TRIOBP: variants seen among roughly 807,000 people sequenced by gnomAD.
The protein encoded by TRIOBP is TRIO and F-actin binding protein.
In TRIOBP, 169 loss-of-function variants were observed where a neutral mutation model predicts 238.8. The observed-to-expected ratio is 0.71, with a 90% confidence interval of 0.62 to 0.80. TRIOBP has a LOEUF of 0.80. Ranked by LOEUF, TRIOBP falls within the 30% of genes least tolerant of loss-of-function variation. The pLI, the probability that TRIOBP is intolerant of heterozygous loss-of-function variation, is 0.00. For missense variants in TRIOBP, 2,838 were observed against 3,122.6 expected, an observed-to-expected ratio of 0.91 and a Z score of 2.17; for synonymous variants, 1,150 against 1,274.4, an observed-to-expected ratio of 0.90 and a Z score of 2.08.
chr22:37,705,764 T>A (rs1186880196), intron 3 of TRIOBP, among the ~76,000 whole-genome samples: 1 of 151,946 alleles, frequency 6.6e-6, no homozygotes. Flanking sequence ...TTAGTAGAGA[T>A]GGGGTTTCAC....
At chr22:37,712,987 A>C (rs1003804880) in intron 4 of TRIOBP, among the ~76,000 whole-genome samples, 7 of 150,500 alleles carry the variant, frequency 4.7e-5, no homozygotes, top group Admixed American at 2.6e-4. Context: ...TAAATAAATA[A>C]ATAAATAAAT....
intron 12 of TRIOBP, among the ~76,000 whole-genome samples, chr22:37,753,157 A>G (rs1318243399): frequency 6.6e-6 from 1 of 152,250 alleles, no homozygotes; most frequent in Admixed American, 6.5e-5. Context: ...GAACAAACCC[A>G]GCAACCTGGT....
chr22:37,755,217 G>T, intron 14 of TRIOBP, 27 bp downstream of exon 14: 1 of 1,601,592 alleles, frequency 6.2e-7, no homozygotes. Context: ...CTTGGGGGCT[G>T]GTGGTGGGCA....
intron 6 of TRIOBP, among the ~76,000 whole-genome samples, chr22:37,717,411 TCTC>T (rs1260553385): frequency 6.6e-6 from 1 of 152,162 alleles, no homozygotes; most frequent in African/African-American, 2.4e-5. Flanking sequence ...CTGCTTTTAT[TCTC>T]TTGTCTGGCC....
chr22:37,759,691 G>A (rs962709348), intron 17 of TRIOBP: 4 of 1,513,814 alleles, frequency 2.6e-6, no homozygotes, highest in East Asian at 5.0e-5. Context: ...CACACAAGGA[G>A]GTCTGCAGGA....
intron 3 of TRIOBP, among the ~76,000 whole-genome samples, chr22:37,704,883 A>C (rs1196974879): frequency 6.8e-6 from 1 of 146,380 alleles, no homozygotes; most frequent in Non-Finnish European, 1.5e-5. Flanking sequence ...CCTGGGCAGC[A>C]CAGTGAGACC....
At chr22:37,749,953 CAACAA>C (rs951125217) in intron 11 of TRIOBP, among the ~76,000 whole-genome samples, 25 of 152,216 alleles carry the variant, frequency 1.6e-4, no homozygotes, top group African/African-American at 4.6e-4. Context: ...GGCCCTGTCT[CAACAA>C]AACAAAACTC....
At chr22:37,710,632 C>T (rs1429389627) in intron 4 of TRIOBP, 66 bp downstream of exon 4, 7 of 1,550,482 alleles carry the variant, frequency 4.5e-6, no homozygotes, top group Non-Finnish European at 6.1e-6. Flanking sequence ...TTCCCATTTG[C>T]ACTCCTTCCC....
At chr22:37,769,450 C>T in intron 21 of TRIOBP, 75 bp downstream of exon 21, 2 of 1,387,356 alleles carry the variant, frequency 1.4e-6, no homozygotes. Flanking sequence ...CCGCCATAGG[C>T]TGGGTATCAC....
intron 6 of TRIOBP, among the ~76,000 whole-genome samples, chr22:37,719,001 C>G (rs1295321301): frequency 1.3e-5 from 2 of 150,806 alleles, no homozygotes; most frequent in African/African-American, 2.4e-5. Flanking sequence ...TGCCTGCCAC[C>G]ACGCCCAGCT....
rs1465010299 is a variant in TRIOBP at position 37,757,966 on chromosome 22, T to C, written c.6041T>C (p.Leu2014Pro). The change falls in exon 16 of 24, where the codon CTG becomes CCG. Residue 2014 changes from leucine to proline, a missense_variant. By Grantham distance (98) the Leu-to-Pro change is moderately conservative. Coordinates refer to ENST00000644935, the MANE Select transcript of TRIOBP (RefSeq NM_001039141.3). ...EGPRRGLGAP[L>P]TEDQQNRLSE... is the part of the protein sequence containing the mutation. Reference sequence around the variant, plus strand: ...CCGCGCCGGGGCCTGGGTGCCCCCCTGACTGAGGACCAGCAAAACCGGCTT... The same window carrying C: ...CCGCGCCGGGGCCTGGGTGCCCCCCCGACTGAGGACCAGCAAAACCGGCTT... The C allele has an allele frequency of 6.4e-7, 1 of 1,574,086 alleles. No individual in the cohort carries two copies. Among genetic ancestry groups the C allele is most frequent in the South Asian group, 1.2e-5 (1 of 86,502 alleles).
At chr22:37,757,214 T>C (rs75270030) in intron 15 of TRIOBP, among the ~76,000 whole-genome samples, 1 of 152,004 alleles carries the variant, frequency 6.6e-6, no homozygotes, top group Non-Finnish European at 1.5e-5. Flanking sequence ...ATTTAAAAAA[T>C]TAGCTGGGCG....
At chr22:37,712,500 A>G (rs982167673) in intron 4 of TRIOBP, among the ~76,000 whole-genome samples, 16 of 151,890 alleles carry the variant, frequency 1.1e-4, no homozygotes, top group African/African-American at 3.6e-4. Flanking sequence ...ATGCCCATCT[A>G]ATTTTTTTAT....
intron 17 of TRIOBP, among the ~76,000 whole-genome samples, chr22:37,764,004 C>T (rs1218131271): frequency 6.6e-6 from 1 of 152,222 alleles, no homozygotes; most frequent in Non-Finnish European, 1.5e-5. Context: ...AGTCCTTCTC[C>T]TGCCACGTCA....
In TRIOBP at chr22:37,717,306, G is replaced by A. The variant is rs537635760; in HGVS notation, c.628+1372G>A. On this transcript the variant is annotated intron_variant, in intron 6 of 23. Transcript: ENST00000644935. ...TAAAGGCAGTGTGGACCCAAAGAGT[G>A]AGCAGCAGCAAGATTTATTGCAAAG... Among the ~76,000 whole-genome samples the A allele has an allele frequency of 7.9e-5, 12 of 152,344 alleles. No homozygotes were observed. The East Asian group carries it at 1.9e-3, about 24-fold the overall frequency.
At chr22:37,768,028 C>T (rs768952902) in intron 18 of TRIOBP, 46 bp from the exon 19 acceptor site, 1 of 1,519,630 alleles carries the variant, frequency 6.6e-7, no homozygotes, top group Admixed American at 1.8e-5. Flanking sequence ...CTTGGTGCTG[C>T]TGACCCCCCT....
intron 17 of TRIOBP, among the ~76,000 whole-genome samples, chr22:37,763,375 C>T (rs943665862): frequency 2.0e-5 from 3 of 152,292 alleles, no homozygotes; most frequent in Admixed American, 6.5e-5. Context: ...GTTCTGTTGT[C>T]CTAAGCCAGG....
At chr22:37,708,973 C>G (rs1006257644) in intron 3 of TRIOBP, among the ~76,000 whole-genome samples, 6 of 152,184 alleles carry the variant, frequency 3.9e-5, no homozygotes, top group Non-Finnish European at 2.9e-5. Flanking sequence ...GCAGAGACCC[C>G]TGGTTGATGC....
At chr22:37,740,362 T>C (rs1159257390) in intron 10 of TRIOBP, among the ~76,000 whole-genome samples, 1 of 152,144 alleles carries the variant, frequency 6.6e-6, no homozygotes. Context: ...CCACAACTCA[T>C]TCCCTTTGCT....
Sources: allele counts gnomAD v4.1 joint callset (sites outside exome capture counted in the v4.1 genomes callset), GRCh38; gene constraint gnomAD v4.1.1; transcripts MANE v1.5; gene names NCBI Gene and HGNC (gene_info 2026-07-23, HGNC 2026-07-21).